AGBL4: variants seen among roughly 807,000 people sequenced by gnomAD.
AGBL4 encodes AGBL carboxypeptidase 4.
Under a neutral mutation model 66.4 loss-of-function variants are expected in AGBL4, and 58 were observed. The ratio of observed to expected loss-of-function variants is 0.87; its 90% CI spans 0.71 to 1.09. AGBL4 has a LOEUF of 1.09. AGBL4 is among the 50% of genes least tolerant of loss of function. AGBL4 has a pLI of 0.00. For synonymous variants in AGBL4, 234 were observed against 222.9 expected (o/e 1.05, Z -0.44); for missense variants, 579 against 631.0 (o/e 0.92, Z 0.88).
chr1:49,618,786 T>A (rs1207401273), intron 3 of AGBL4, among the ~76,000 whole-genome samples: 1 of 152,202 alleles, frequency 6.6e-6, no homozygotes, highest in Non-Finnish European at 1.5e-5. Flanking sequence ...TCAAGTTGGC[T>A]TCATCCCTGG....
At chr1:49,262,454 T>A (rs1165735382) in intron 3 of AGBL4, among the ~76,000 whole-genome samples, 4 of 151,860 alleles carry the variant, frequency 2.6e-5, no homozygotes, top group South Asian at 2.1e-4. Context: ...CAAACAAATT[T>A]ACAAGAAAAA....
At chr1:49,505,586 G>A (rs1648607977) in intron 3 of AGBL4, among the ~76,000 whole-genome samples, 2 of 151,762 alleles carry the variant, frequency 1.3e-5, no homozygotes, top group African/African-American at 4.8e-5. Flanking sequence ...TCTGCCTCTA[G>A]CATTACTGGA....
intron 3 of AGBL4, among the ~76,000 whole-genome samples, chr1:49,560,454 A>T (rs1644011260): frequency 6.6e-6 from 1 of 152,124 alleles, no homozygotes; most frequent in African/African-American, 2.4e-5. Context: ...AAAACAATGA[A>T]GCACACCTAA....
intron 1 of AGBL4, among the ~76,000 whole-genome samples, chr1:49,948,006 AT>A (rs1557607655): frequency 1.2e-4 from 10 of 85,954 alleles, no homozygotes; most frequent in African/African-American, 5.9e-4. Context: ...ATAAATATAT[AT>A]AAATATATAA....
intron 6 of AGBL4, among the ~76,000 whole-genome samples, chr1:48,674,909 T>C (rs1244598927): frequency 6.6e-6 from 1 of 152,152 alleles, no homozygotes; most frequent in Non-Finnish European, 1.5e-5. Context: ...ATTATAGCAA[T>C]TGCCCAGCAG....
At chr1:49,718,486 G>A (rs1445758793) in intron 2 of AGBL4, among the ~76,000 whole-genome samples, 2 of 151,848 alleles carry the variant, frequency 1.3e-5, no homozygotes, top group Non-Finnish European at 2.9e-5. Context: ...TGTAAGAACA[G>A]ACTAATACAA....
intron 2 of AGBL4, among the ~76,000 whole-genome samples, chr1:49,833,877 C>G (rs1645771468): frequency 6.6e-6 from 1 of 152,090 alleles, no homozygotes; most frequent in African/African-American, 2.4e-5. Context: ...TGCTTATCAG[C>G]TTAAGGAGAT....
chr1:48,720,902 T>C (rs1397911361), intron 6 of AGBL4, among the ~76,000 whole-genome samples: 3 of 151,074 alleles, frequency 2.0e-5, no homozygotes, highest in Non-Finnish European at 4.4e-5. Context: ...TAGGAATAGA[T>C]GGTAACAGGC....
rs552163718 is a variant in AGBL4 at position 48,533,334 on chromosome 1, C to A, written c.*839G>T. ...ACTACTGTTTTATTTTATCATTCCT[C>A]CCTGCCTCAGGGTGCATCCTTCTGT... On this transcript the variant is annotated 3_prime_UTR_variant, in exon 14 of 14. Coordinates refer to ENST00000371839, the MANE Select transcript of AGBL4 (RefSeq NM_032785.4). 1 of 152,316 alleles carries A rather than the reference C, an allele frequency of 6.6e-6. No homozygotes were observed. Among genetic ancestry groups the A allele is most frequent in the African/African-American group, 2.4e-5 (1 of 41,568 alleles). The allele number at this position is 152,316 out of a possible 1,614,324, so 9.4% of individuals were successfully genotyped here.
At chr1:49,629,104 C>T (rs1477824192) in intron 3 of AGBL4, among the ~76,000 whole-genome samples, 1 of 152,154 alleles carries the variant, frequency 6.6e-6, no homozygotes, top group African/African-American at 2.4e-5. Flanking sequence ...AAGTCAAATC[C>T]AACAAGCTGC....
chr1:49,160,651 G>A (rs1233665856), intron 4 of AGBL4, among the ~76,000 whole-genome samples: 1 of 152,132 alleles, frequency 6.6e-6, no homozygotes, highest in Non-Finnish European at 1.5e-5. Flanking sequence ...TGTGCCCACA[G>A]CCGCCCCTTC....
At chr1:48,928,604 TG>T (rs1339230094) in intron 5 of AGBL4, among the ~76,000 whole-genome samples, 1 of 152,136 alleles carries the variant, frequency 6.6e-6, no homozygotes, top group African/African-American at 2.4e-5. Flanking sequence ...GGACTGGACT[TG>T]GCATCCAAAG....
At chr1:49,459,982 T>G (rs1240975050) in intron 3 of AGBL4, among the ~76,000 whole-genome samples, 4 of 151,736 alleles carry the variant, frequency 2.6e-5, no homozygotes, top group African/African-American at 9.7e-5. Flanking sequence ...AGAGAGTACT[T>G]GATACAATTT....
intron 3 of AGBL4, among the ~76,000 whole-genome samples, chr1:49,342,493 G>C (rs927114125): frequency 6.6e-6 from 1 of 152,128 alleles, no homozygotes; most frequent in African/African-American, 2.4e-5. Context: ...GCTTCACTTT[G>C]TGACCATGTG....
rs191231787 is a variant in AGBL4, at chr1:48,708,219, G to A, written c.635-44978C>T. ...CTTCCAGCCCACACCCAGGCTCAAA[G>A]AGTTGCCCTCTGCTCAGCCTGCTAC... On this transcript the variant is annotated intron_variant, in intron 6 of 13. Transcript: ENST00000371839. Among the ~76,000 whole-genome samples the A allele has an allele frequency of 4.7e-4, 72 of 152,324 alleles. No homozygotes were observed. The South Asian group carries it at 0.012, about 25-fold the overall frequency.
At chr1:48,742,891 A>C (rs980639740) in intron 6 of AGBL4, 1 of 969,048 alleles carries the variant, frequency 1.0e-6, no homozygotes, top group African/African-American at 1.7e-5. Context: ...ATTTTTGTCC[A>C]TTGAACTACA....
chr1:49,886,918 T>C (rs1328317656), intron 1 of AGBL4, among the ~76,000 whole-genome samples: 1 of 152,044 alleles, frequency 6.6e-6, no homozygotes, highest in Non-Finnish European at 1.5e-5. Flanking sequence ...AGATTCAATT[T>C]TCAAAGAGTT....
At chr1:49,925,362 G>A (rs940299647) in intron 1 of AGBL4, among the ~76,000 whole-genome samples, 9 of 152,208 alleles carry the variant, frequency 5.9e-5, no homozygotes, top group East Asian at 1.9e-4. Context: ...CTGAAGAGCC[G>A]TTGAGCCCTG....
rs1227415988 is a variant in AGBL4 at position 49,006,445 on chromosome 1, G to A, written c.594+39139C>T. Among the ~76,000 whole-genome samples the A allele has an allele frequency of 2.6e-3, 393 of 152,296 alleles. 3 individuals are homozygous for A. Among genetic ancestry groups the A allele is most frequent in the African/African-American group, 9.2e-3 (382 of 41,578 alleles). On this transcript the variant is annotated intron_variant, in intron 5 of 13. Transcript: ENST00000371839. Reference sequence around the variant, plus strand: ...CAAACTGCAAGGCGGCAGCGAGGCTGGGGGAGGGGCGCCCGCCATTGCCCA... The same window carrying A: ...CAAACTGCAAGGCGGCAGCGAGGCTAGGGGAGGGGCGCCCGCCATTGCCCA...
Sources: allele counts gnomAD v4.1 joint callset (sites outside exome capture counted in the v4.1 genomes callset), GRCh38; gene constraint gnomAD v4.1.1; transcripts MANE v1.5; gene names NCBI Gene and HGNC (gene_info 2026-07-23, HGNC 2026-07-21).